The following ZBTB41 variants were observed in gnomAD, a reference collection of about 807,000 sequenced individuals.
The protein encoded by ZBTB41 is zinc finger and BTB domain-containing protein 41.
ZBTB41 carries 42 observed loss-of-function variants against 87.6 expected under a neutral mutation model. The observed-to-expected ratio is 0.48, with a 90% confidence interval of 0.37 to 0.62. The LOEUF (loss-of-function observed/expected upper bound fraction) is 0.62, where lower values mean the gene tolerates loss of function less well. Among genes scored for constraint, ZBTB41 ranks in the 20% least tolerant of loss-of-function variants. The pLI, the probability that ZBTB41 is intolerant of heterozygous loss-of-function variation, is 0.00. For missense variants in ZBTB41, 799 were observed against 1,078.9 expected, an observed-to-expected ratio of 0.74 and a Z score of 3.63; for synonymous variants, 364 against 364.0, an observed-to-expected ratio of 1.00 and a Z score of 0.00.
intron 4 of ZBTB41, among the ~76,000 whole-genome samples, chr1:197,188,992 A>G (rs1288526732): frequency 6.6e-6 from 1 of 152,208 alleles, no homozygotes; most frequent in Non-Finnish European, 1.5e-5. Flanking sequence ...ATTTTTCTTG[A>G]TTCTCACAAT....
At chr1:197,195,948 T>C (rs1571671003) in intron 2 of ZBTB41, among the ~76,000 whole-genome samples, 1 of 152,174 alleles carries the variant, frequency 6.6e-6, no homozygotes, top group South Asian at 2.1e-4. Context: ...TCAAAGCTTA[T>C]GCATCTCTCA....
chr1:197,183,947 T>C (rs1016982878), intron 5 of ZBTB41, among the ~76,000 whole-genome samples: 3 of 152,324 alleles, frequency 2.0e-5, no homozygotes, highest in Middle Eastern at 3.4e-3. Context: ...TGTATACTTG[T>C]ATAATTTCAC....
rs537356293 is a variant in ZBTB41, at chr1:197,158,635, T to C, written c.*724A>G. On this transcript the variant is annotated 3_prime_UTR_variant, in exon 11 of 11. Transcript: ENST00000367405. Reference sequence around the variant, plus strand: ...TCTTGTAACACATTTTCAGTTTGTATAATTTAATGCCCAGACCTATGTTTG... The same window carrying C: ...TCTTGTAACACATTTTCAGTTTGTACAATTTAATGCCCAGACCTATGTTTG... The C allele has an allele frequency of 3.3e-5, 5 of 152,088 alleles. No individual in the cohort carries two copies. Among genetic ancestry groups the C allele is most frequent in the Non-Finnish European group, 5.9e-5 (4 of 67,958 alleles). 9.4% of individuals were successfully genotyped at this position (152,088 alleles called of 1,614,324 possible). A position where few individuals can be genotyped will look rare whatever the true frequency, so the allele number is the denominator to read the frequency against.
At chr1:197,184,515 C>T (rs1659834663) in intron 5 of ZBTB41, among the ~76,000 whole-genome samples, 1 of 152,164 alleles carries the variant, frequency 6.6e-6, no homozygotes, top group African/African-American at 2.4e-5. Context: ...ATATATTTGT[C>T]AATATCCATC....
intron 2 of ZBTB41, among the ~76,000 whole-genome samples, chr1:197,193,764 T>C (rs1289452787): frequency 6.6e-6 from 1 of 152,256 alleles, no homozygotes; most frequent in East Asian, 1.9e-4. Flanking sequence ...GAGGTCACTA[T>C]ATGGGTTTTT....
At position 197,153,904 on chromosome 1, in the gene ZBTB41, C is replaced by A. The variant is rs1659002254; in HGVS notation, c.*5455G>T. The A allele has an allele frequency of 1.3e-5, 2 of 152,152 alleles. No homozygotes were observed. 9.4% of individuals were successfully genotyped at this position (152,152 alleles called of 1,614,324 possible). A position where few individuals can be genotyped will look rare whatever the true frequency, so the allele number is the denominator to read the frequency against. ...GATATTTTAGATTTTTCTGTCATTG[C>A]TTTTAAAGTATCCTTAATTAAAAAC... is the stretch of plus-strand genomic sequence containing the variant. On this transcript the variant is annotated 3_prime_UTR_variant, in exon 11 of 11. Transcript: ENST00000367405.
intron 2 of ZBTB41, among the ~76,000 whole-genome samples, chr1:197,194,381 A>T (rs1660111176): frequency 1.3e-5 from 2 of 152,162 alleles, no homozygotes; most frequent in Non-Finnish European, 2.9e-5. Context: ...AAAATTTTTC[A>T]ACAAATCATT....
intron 10 of ZBTB41, among the ~76,000 whole-genome samples, chr1:197,165,549 G>T (rs1659319328): frequency 6.6e-6 from 1 of 151,642 alleles, no homozygotes; most frequent in South Asian, 2.1e-4. Context: ...GGCGGAGCTT[G>T]CAGTGAGCCG....
chr1:197,165,755 G>C (rs1659328003), intron 10 of ZBTB41, among the ~76,000 whole-genome samples: 1 of 151,974 alleles, frequency 6.6e-6, no homozygotes, highest in Non-Finnish European at 1.5e-5. Flanking sequence ...CCATAAAAAA[G>C]GCAGGGAAAG....
At chr1:197,190,370 G>A (rs1557985725) in intron 4 of ZBTB41, among the ~76,000 whole-genome samples, 1 of 152,088 alleles carries the variant, frequency 6.6e-6, no homozygotes. Flanking sequence ...CACACAAAAG[G>A]GTGAGACATA....
intron 5 of ZBTB41, among the ~76,000 whole-genome samples, chr1:197,185,166 G>A (rs532821621): frequency 6.6e-6 from 1 of 152,104 alleles, no homozygotes; most frequent in East Asian, 1.9e-4. Flanking sequence ...TTGACCTATT[G>A]TACAGCATAC....
At chr1:197,191,458 A>C (rs1230484436) in intron 3 of ZBTB41, among the ~76,000 whole-genome samples, 2 of 14,404 alleles carry the variant, frequency 1.4e-4, no homozygotes, top group African/African-American at 1.5e-4. Context: ...CCCTACTTCA[A>C]AAAAAAAAAA....
chr1:197,181,634 AAGAC>A (rs1386037173), intron 5 of ZBTB41, among the ~76,000 whole-genome samples: 8 of 152,172 alleles, frequency 5.3e-5, no homozygotes, highest in African/African-American at 1.9e-4. Flanking sequence ...AAATATAAGA[AAGAC>A]AAAGAATGCG....
chr1:197,197,908 T>A (rs974102982), intron 2 of ZBTB41, among the ~76,000 whole-genome samples: 3 of 152,186 alleles, frequency 2.0e-5, no homozygotes, highest in Admixed American at 6.5e-5. Context: ...TTGAGATATT[T>A]GTGTTGCACC....
At chr1:197,178,768 G>A (rs1315201876) in intron 6 of ZBTB41, among the ~76,000 whole-genome samples, 2 of 152,042 alleles carry the variant, frequency 1.3e-5, no homozygotes, top group Admixed American at 6.6e-5. Context: ...CACAACTTAA[G>A]CAGACTTTCA....
intron 6 of ZBTB41, among the ~76,000 whole-genome samples, chr1:197,180,658 A>C (rs1183290644): frequency 6.8e-6 from 1 of 148,142 alleles, no homozygotes; most frequent in Non-Finnish European, 1.5e-5. Flanking sequence ...ATAGCTTCCA[A>C]ACCTGTGTCA....
At chr1:197,185,447 G>A (rs145238469) in intron 5 of ZBTB41, among the ~76,000 whole-genome samples, 14 of 152,016 alleles carry the variant, frequency 9.2e-5, no homozygotes, top group East Asian at 5.8e-4. Context: ...ATACTATAGC[G>A]CATTCCAAAT....
chr1:197,166,840 C>T (rs550744633), intron 10 of ZBTB41, among the ~76,000 whole-genome samples: 3 of 151,982 alleles, frequency 2.0e-5, no homozygotes, highest in Non-Finnish European at 2.9e-5. Context: ...GAGTGAGACT[C>T]GGTCTCAAAA....
At chr1:197,178,657 A>G in intron 6 of ZBTB41, 145 bp from the exon 7 acceptor site, 1 of 525,786 alleles carries the variant, frequency 1.9e-6, no homozygotes, top group East Asian at 3.3e-5. Context: ...GTTCTTTTCT[A>G]TTCTCACTAG....
Sources: gnomAD v4.1 joint callset for allele counts (sites outside exome capture counted in the v4.1 genomes callset) on GRCh38, gnomAD v4.1.1 for gene constraint, MANE v1.5 for transcripts, NCBI Gene and HGNC (gene_info 2026-07-23, HGNC 2026-07-21) for gene names.